CATSPERE: variants seen among roughly 807,000 people sequenced by gnomAD.
The protein encoded by CATSPERE is catsper channel auxiliary subunit epsilon, also known as cation channel sperm-associated auxiliary subunit epsilon.
A neutral mutation model predicts 114.1 loss-of-function variants in CATSPERE; 93 were observed. That is an observed-to-expected ratio of 0.81 (90% CI 0.69 to 0.97). CATSPERE has a LOEUF of 0.97. Among genes scored for constraint, CATSPERE ranks in the 50% least tolerant of loss-of-function variants. CATSPERE has a pLI of 0.00. For synonymous variants in CATSPERE, 341 were observed against 384.1 expected (o/e 0.89, Z 1.31); for missense variants, 1,058 against 1,131.6 (o/e 0.93, Z 0.93).
rs187217964 is a variant in CATSPERE at position 244,472,719 on chromosome 1, A to G, written c.115-4822A>G. ...GACAAATGTTTAATGACATGTTTCT[A>G]CCATTATAGTATCACACCGAATAGT... On this transcript the variant is annotated intron_variant, in intron 2 of 21. Transcript: ENST00000366534. Among the ~76,000 whole-genome samples, 6 of 152,256 alleles carry G rather than the reference A, an allele frequency of 3.9e-5. No individual in the cohort carries two copies. The East Asian group carries it at 1.2e-3, about 29-fold the overall frequency.
At chr1:244,479,869 A>G in intron 5 of CATSPERE, 85 bp downstream of exon 5, 3 of 657,780 alleles carry the variant, frequency 4.6e-6, no homozygotes, top group African/African-American at 1.9e-5. Flanking sequence ...TAGATTATCT[A>G]TATTACGGTT....
At chr1:244,474,491 A>G (rs746219646) in intron 2 of CATSPERE, among the ~76,000 whole-genome samples, 1 of 151,820 alleles carries the variant, frequency 6.6e-6, no homozygotes, top group African/African-American at 2.4e-5. Context: ...GAATATTACT[A>G]TATTCTATAA....
intron 20 of CATSPERE, among the ~76,000 whole-genome samples, chr1:244,621,948 C>T (rs1203511007): frequency 6.6e-6 from 1 of 152,186 alleles, no homozygotes; most frequent in Admixed American, 6.5e-5. Flanking sequence ...CTTCCAAATA[C>T]CTCCACCTAC....
chr1:244,537,479 C>G (rs965262066), intron 8 of CATSPERE, among the ~76,000 whole-genome samples: 1 of 152,136 alleles, frequency 6.6e-6, no homozygotes, highest in Non-Finnish European at 1.5e-5. Context: ...TAGGGCAATG[C>G]TGGCTGGCTT....
intron 6 of CATSPERE, among the ~76,000 whole-genome samples, chr1:244,491,070 G>C (rs1672049530): frequency 6.6e-6 from 1 of 152,064 alleles, no homozygotes; most frequent in Admixed American, 6.6e-5. Context: ...CCCAGGAATT[G>C]AACTCAGCTC....
rs377171287 is a variant in CATSPERE at position 244,482,446 on chromosome 1, T to C, written c.326+2662T>C. On this transcript the variant is annotated intron_variant, in intron 5 of 21. Coordinates refer to ENST00000366534, the MANE Select transcript of CATSPERE (RefSeq NM_001130957.2). ...GCAAGACTTGTCTCTACAAAAAACG[T>C]TAAAAAGTTGTCAGGCATGATGACT... 2.4e-4 allele frequency among the ~76,000 whole-genome samples: 36 copies of C among 151,716 alleles called. 1 individual carries two copies. In the East Asian group the frequency reaches 5.8e-3, roughly 25 times the overall value.
intron 8 of CATSPERE, among the ~76,000 whole-genome samples, chr1:244,540,026 C>G (rs531408676): frequency 4.0e-5 from 6 of 151,486 alleles, no homozygotes; most frequent in Admixed American, 3.9e-4. Context: ...TAAGAGCTAT[C>G]TATGACAAAC....
chr1:244,531,101 T>G (rs1334417332), intron 8 of CATSPERE, among the ~76,000 whole-genome samples: 1 of 151,626 alleles, frequency 6.6e-6, no homozygotes, highest in Non-Finnish European at 1.5e-5. Context: ...CCGGGTGTGG[T>G]GGCATGTGCC....
intron 8 of CATSPERE, among the ~76,000 whole-genome samples, chr1:244,522,500 G>C (rs1268005820): frequency 1.1e-4 from 17 of 152,168 alleles, no homozygotes; most frequent in East Asian, 1.9e-4. Flanking sequence ...AGAACTGAAG[G>C]AAATAGAGAC....
intron 17 of CATSPERE, among the ~76,000 whole-genome samples, chr1:244,601,366 A>G (rs776767975): frequency 6.6e-5 from 10 of 152,248 alleles, no homozygotes; most frequent in Non-Finnish European, 1.3e-4. Flanking sequence ...GCAACATTCA[A>G]TGAAAAGAAA....
rs1468401627 is a variant in CATSPERE at position 244,617,586 on chromosome 1, T to C, written c.2548T>C (p.Tyr850His). 5.8e-6 allele frequency: 9 copies of C among 1,544,398 alleles called. No individual in the cohort carries two copies. Among genetic ancestry groups the C allele is most frequent in the Non-Finnish European group, 7.0e-6 (8 of 1,144,964 alleles). The change falls in exon 20 of 22, where the codon TAC (tyrosine) becomes CAC (histidine). Residue 850 changes from tyrosine (Y) to histidine (H), a missense_variant. By Grantham distance (83) the Tyr-to-His change is moderately conservative. Around this residue, in one of 2 missense-constraint regions of CATSPERE, gnomAD observed 787 missense variants for 905.6 expected, o/e 0.87. Transcript: ENST00000366534. ...IGKPGDLNQP[Y>H]EIINSSNGNH... ...AAAACCAGGAGACTTAAATCAACCA[T>C]ACGAGATTATCAACAGTTCTAATGG...
chr1:244,600,283 A>G (rs1669009779), intron 17 of CATSPERE, among the ~76,000 whole-genome samples: 1 of 151,896 alleles, frequency 6.6e-6, no homozygotes, highest in African/African-American at 2.4e-5. Flanking sequence ...AGAAATTGGA[A>G]GCTGGGTTTT....
intron 17 of CATSPERE, chr1:244,598,597 G>A: frequency 2.8e-6 from 1 of 351,690 alleles, no homozygotes; most frequent in South Asian, 2.4e-5. Flanking sequence ...TGGAGATTGG[G>A]CCCAGTCTTA....
chr1:244,490,456 T>C lies in CATSPERE; in HGVS notation c.336T>C (p.Phe112=). 6.5e-7 allele frequency: 1 copy of C among 1,542,226 alleles called. No individual in the cohort carries two copies. Among genetic ancestry groups the C allele is most frequent in the Non-Finnish European group, 8.9e-7 (1 of 1,118,198 alleles). Residue 112 remains phenylalanine (F), a synonymous_variant, in exon 6 of 22, where the codon TTT becomes TTC. Coordinates refer to ENST00000366534, the MANE Select transcript of CATSPERE (RefSeq NM_001130957.2). ...CTCTTTTTCCAAGCAGACATTTCTT[T>C]AACAACTTTACCCAGGTAAAATATT... ...FLWYYRVRHF[F]NNFTQLITVW...
intron 8 of CATSPERE, among the ~76,000 whole-genome samples, chr1:244,522,306 T>C (rs1362302836): frequency 6.6e-6 from 1 of 152,088 alleles, no homozygotes; most frequent in Non-Finnish European, 1.5e-5. Context: ...AGACACAACA[T>C]ACCAAATCTC....
In CATSPERE at chr1:244,573,021, T is replaced by G. The variant is rs1664693462; in HGVS notation, c.1950+249T>G. Among the ~76,000 whole-genome samples, 1 of 151,938 alleles carries G rather than the reference T, an allele frequency of 6.6e-6. No homozygotes were observed. The highest frequency in any genetic ancestry group is 2.4e-5 in the African/African-American group (1 of 41,360). On this transcript the variant is annotated intron_variant, in intron 11 of 21. Transcript: ENST00000366534. This position sits in a 1 kb window ranked among gnomAD's most constrained non-coding sequence, Gnocchi z 4.0. ...ACTCATTGTCAATTGTATTGTTCAC[T>G]TCTTCTTCTTTTTTTTTTTAATGCA...
At chr1:244,605,267 C>T (rs1241473034) in intron 17 of CATSPERE, among the ~76,000 whole-genome samples, 1 of 152,198 alleles carries the variant, frequency 6.6e-6, no homozygotes, top group Admixed American at 6.5e-5. Context: ...TTGCTCTGCC[C>T]TTTCTCCATC....
intron 9 of CATSPERE, among the ~76,000 whole-genome samples, chr1:244,560,408 T>A (rs1318389844): frequency 2.7e-4 from 3 of 11,210 alleles, no homozygotes; most frequent in South Asian, 2.5e-3. Context: ...TGGGCGGGGG[T>A]GGGGGGGCAG....
At chr1:244,631,922 T>C (rs986601697) in intron 20 of CATSPERE, among the ~76,000 whole-genome samples, 1 of 152,072 alleles carries the variant, frequency 6.6e-6, no homozygotes, top group Non-Finnish European at 1.5e-5. Context: ...ATACTCTTAC[T>C]GTATGACCCA....
Sources: gnomAD v4.1 joint callset for allele counts (sites outside exome capture counted in the v4.1 genomes callset) on GRCh38, gnomAD v4.1.1 for gene constraint, gnomAD v4.1.1 regional missense constraint, Gnocchi (gnomAD v3.1) non-coding constraint, MANE v1.5 for transcripts, NCBI Gene and HGNC (gene_info 2026-07-23, HGNC 2026-07-21) for gene names.